Variants in ELOVL6 observed in about 807,000 individuals in gnomAD.
ELOVL6 encodes the protein very long chain fatty acid elongase 6.
ELOVL6 carries 8 observed loss-of-function variants against 31.7 expected under a neutral mutation model. The ratio of observed to expected loss-of-function variants is 0.25; its 90% CI spans 0.15 to 0.45. The LOEUF is 0.45. Ranked by LOEUF, ELOVL6 falls within the 20% of genes least tolerant of loss-of-function variation. The probability of loss-of-function intolerance (pLI) is 1.00; values close to 1 mark genes in which losing one functional copy is unlikely to be tolerated. For missense variants in ELOVL6, 126 were observed against 326.4 expected, an observed-to-expected ratio of 0.39 and a Z score of 4.73; for synonymous variants, 101 against 117.7, an observed-to-expected ratio of 0.86 and a Z score of 0.92.
intron 2 of ELOVL6, among the ~76,000 whole-genome samples, chr4:110,068,465 C>T (rs1399140235): frequency 6.6e-6 from 1 of 152,214 alleles, no homozygotes; most frequent in Non-Finnish European, 1.5e-5. Flanking sequence ...GCTGCTGTCT[C>T]AACTCACCAC....
At chr4:110,063,295 T>A (rs1755199048) in intron 2 of ELOVL6, among the ~76,000 whole-genome samples, 1 of 152,210 alleles carries the variant, frequency 6.6e-6, no homozygotes, top group South Asian at 2.1e-4. Flanking sequence ...ATTCTCGAAG[T>A]ACTTCTCAGG....
At position 110,047,898 on chromosome 4, in the gene ELOVL6, A is replaced by AG. The variant is rs970902986; in HGVS notation, c.*3439_*3440insC. ...ACAGCAAGAATCCACCTCAAAAAAA[A>AG]AAAAAAAAAAAAAAAGAAAGACATT... is the stretch of plus-strand genomic sequence containing the variant. On this transcript the variant is annotated 3_prime_UTR_variant, in exon 4 of 4. Transcript: ENST00000302274. The AG allele has an allele frequency of 2.0e-5, 3 of 150,944 alleles. No individual in the cohort carries two copies. The highest frequency in any genetic ancestry group is 1.9e-4 in the East Asian group (1 of 5,178). The allele number at this position is 150,944 out of a possible 1,614,324, so 9.4% of individuals were successfully genotyped here.
At chr4:110,078,299 A>G (rs1409365129) in intron 2 of ELOVL6, among the ~76,000 whole-genome samples, 1 of 152,202 alleles carries the variant, frequency 6.6e-6, no homozygotes, top group African/African-American at 2.4e-5. Context: ...AGATTCACCA[A>G]AGTTGACATG....
At chr4:110,153,947 A>G (rs1036936990) in intron 1 of ELOVL6, among the ~76,000 whole-genome samples, 2 of 152,326 alleles carry the variant, frequency 1.3e-5, no homozygotes, top group South Asian at 4.1e-4. Flanking sequence ...GGAAACAGGA[A>G]GTTTTTTTCT....
chr4:110,136,099 A>C (rs1457164575), intron 1 of ELOVL6, among the ~76,000 whole-genome samples: 1 of 152,308 alleles, frequency 6.6e-6, no homozygotes, highest in South Asian at 2.1e-4. Flanking sequence ...ACTGAGCTGC[A>C]CTTGTTAGGA....
chr4:110,122,199 A>C (rs1481442221), intron 1 of ELOVL6, among the ~76,000 whole-genome samples: 2 of 152,230 alleles, frequency 1.3e-5, no homozygotes, highest in Non-Finnish European at 2.9e-5. Context: ...ACTATATAAA[A>C]GGAAATGTAA....
At chr4:110,116,576 A>G (rs1385487768) in intron 1 of ELOVL6, among the ~76,000 whole-genome samples, 3 of 152,216 alleles carry the variant, frequency 2.0e-5, no homozygotes, top group Non-Finnish European at 4.4e-5. Flanking sequence ...CAATTTACTA[A>G]AATTACTAAT....
chr4:110,194,062 G>C (rs1219751964), intron 1 of ELOVL6, among the ~76,000 whole-genome samples: 1 of 152,180 alleles, frequency 6.6e-6, no homozygotes, highest in African/African-American at 2.4e-5. Context: ...AACCTGGCAG[G>C]CTGCTGAAAG....
At chr4:110,126,606 A>G (rs1156566346) in intron 1 of ELOVL6, among the ~76,000 whole-genome samples, 1 of 152,170 alleles carries the variant, frequency 6.6e-6, no homozygotes, top group East Asian at 1.9e-4. Flanking sequence ...ACACACACTC[A>G]CATTTTTGAA....
intron 2 of ELOVL6, among the ~76,000 whole-genome samples, chr4:110,082,700 A>T (rs11098069): frequency 0.58 from 87,757 of 150,974 alleles, 27,557 homozygotes; most frequent in African/African-American, 0.84. Flanking sequence ...CATATGTAAC[A>T]AACCTGCACA....
chr4:110,107,386 G>A (rs981435918), intron 1 of ELOVL6, among the ~76,000 whole-genome samples: 1 of 152,148 alleles, frequency 6.6e-6, no homozygotes, highest in African/African-American at 2.4e-5. Flanking sequence ...TTCTGATGGG[G>A]AAAATAATCA....
At chr4:110,185,588 A>G (rs1317800987) in intron 1 of ELOVL6, among the ~76,000 whole-genome samples, 1 of 152,232 alleles carries the variant, frequency 6.6e-6, no homozygotes, top group Admixed American at 6.5e-5. Context: ...TTACCAGTGG[A>G]CTGCAAATAA....
intron 2 of ELOVL6, among the ~76,000 whole-genome samples, chr4:110,084,003 C>CATATATATGTTATATGT (rs1560813451): frequency 1.1e-4 from 1 of 8,860 alleles, no homozygotes; most frequent in African/African-American, 4.8e-4. Flanking sequence ...ATAACATATG[C>CATATATATGTTATATGT]CATATATGGT....
chr4:110,131,857 CT>C (rs951314908), intron 1 of ELOVL6, among the ~76,000 whole-genome samples: 1 of 151,934 alleles, frequency 6.6e-6, no homozygotes, highest in African/African-American at 2.4e-5. Flanking sequence ...ATAATGCACT[CT>C]AAATATTCAG....
intron 2 of ELOVL6, among the ~76,000 whole-genome samples, chr4:110,089,162 A>G (rs573587295): frequency 6.6e-6 from 1 of 152,324 alleles, no homozygotes; most frequent in African/African-American, 2.4e-5. Flanking sequence ...TTATTTTAGG[A>G]TAAAATGCTT....
chr4:110,088,130 C>A (rs925504410), intron 2 of ELOVL6, among the ~76,000 whole-genome samples: 1 of 152,130 alleles, frequency 6.6e-6, no homozygotes, highest in African/African-American at 2.4e-5. Context: ...TGGAAACTTC[C>A]AGGCCCTTCA....
intron 1 of ELOVL6, among the ~76,000 whole-genome samples, chr4:110,155,646 C>A (rs1758394191): frequency 6.6e-6 from 1 of 152,112 alleles, no homozygotes; most frequent in Non-Finnish European, 1.5e-5. Context: ...ATATCCATAT[C>A]TAGACCCCGA....
At chr4:110,126,870 A>G (rs1215580263) in intron 1 of ELOVL6, among the ~76,000 whole-genome samples, 1 of 152,162 alleles carries the variant, frequency 6.6e-6, no homozygotes. Context: ...AGAATCCCTC[A>G]GGACTCTTTG....
chr4:110,065,886 A>C (rs59634436), intron 2 of ELOVL6, among the ~76,000 whole-genome samples: 8,616 of 152,202 alleles, frequency 0.057, 363 homozygotes, highest in East Asian at 0.16. Flanking sequence ...AAATTTTTAC[A>C]TTGTTCCCTT....
Sources: allele counts gnomAD v4.1 joint callset (sites outside exome capture counted in the v4.1 genomes callset), GRCh38; gene constraint gnomAD v4.1.1; transcripts MANE v1.5; gene names NCBI Gene and HGNC (gene_info 2026-07-23, HGNC 2026-07-21).